Variants in DENND1A observed in about 807,000 individuals in gnomAD.
The protein encoded by DENND1A is DENN domain-containing protein 1A.
DENND1A carries 51 observed loss-of-function variants against 113.7 expected under a neutral mutation model. The observed-to-expected ratio is 0.45, with a 90% confidence interval of 0.36 to 0.57. The LOEUF is 0.57. Among genes scored for constraint, DENND1A ranks in the 20% least tolerant of loss-of-function variants. The pLI, the probability that DENND1A is intolerant of heterozygous loss-of-function variation, is 0.00. For synonymous variants in DENND1A, 565 were observed against 570.8 expected (o/e 0.99, Z 0.14); for missense variants, 1,258 against 1,395.9 (o/e 0.90, Z 1.57).
At chr9:123,789,601 C>T (rs1304190229) in intron 3 of DENND1A, among the ~76,000 whole-genome samples, 3 of 151,958 alleles carry the variant, frequency 2.0e-5, no homozygotes, top group Non-Finnish European at 2.9e-5. Flanking sequence ...GATTATCATC[C>T]CACGCAGACA....
chr9:123,599,944 G>C (rs986589353), intron 11 of DENND1A, among the ~76,000 whole-genome samples: 3 of 152,118 alleles, frequency 2.0e-5, no homozygotes, highest in African/African-American at 7.2e-5. Context: ...AGTCGGCTGA[G>C]CATGGTGTTA....
chr9:123,866,188 C>A (rs533067553), intron 2 of DENND1A, among the ~76,000 whole-genome samples: 59 of 152,298 alleles, frequency 3.9e-4, no homozygotes, highest in Non-Finnish European at 7.9e-4. Context: ...TAAATACACA[C>A]AAACTTTAGA....
intron 9 of DENND1A, among the ~76,000 whole-genome samples, chr9:123,639,998 T>C (rs1332158841): frequency 2.0e-5 from 3 of 152,098 alleles, no homozygotes; most frequent in African/African-American, 4.8e-5. Context: ...GTCACAGCTA[T>C]TGGCAGAACT....
chr9:123,916,759 G>C (rs557576287), intron 1 of DENND1A, among the ~76,000 whole-genome samples: 21 of 152,166 alleles, frequency 1.4e-4, no homozygotes, highest in African/African-American at 5.1e-4. Context: ...TGGTAGGCAG[G>C]GATAGAAGTT....
At chr9:123,667,201 G>C in intron 7 of DENND1A, 122 bp from the exon 8 acceptor site, 1 of 902,064 alleles carries the variant, frequency 1.1e-6, no homozygotes, top group Non-Finnish European at 1.7e-6. Context: ...GTTTCACTCA[G>C]AAGAAACACC....
intron 13 of DENND1A, among the ~76,000 whole-genome samples, chr9:123,513,326 G>C (rs186732172): frequency 3.9e-5 from 6 of 152,248 alleles, no homozygotes; most frequent in African/African-American, 1.4e-4. Flanking sequence ...TGTGATAAAA[G>C]GTCTGTTTCT....
At position 123,381,772 on chromosome 9, in the gene DENND1A, C is replaced by T; in HGVS notation, c.2873G>A (p.Gly958Asp). ...CGTGTGGGTGCCCATGGGCATCTGGCCAAAGAGGTTGGGCATGGAGAGGGC... is the reference window on the plus strand; with the variant it reads ...CGTGTGGGTGCCCATGGGCATCTGGTCAAAGAGGTTGGGCATGGAGAGGGC... ...LSALSMPNLF[G>D]QMPMGTHTSP... is the part of the protein sequence containing the mutation. Residue 958 changes from glycine to aspartate, a missense_variant, in exon 24 of 24, where the codon GGC becomes GAC. Transcript: ENST00000394215. The surrounding 1 kb of genome is among the most constrained non-coding windows in gnomAD (Gnocchi z 4.7). The T allele has an allele frequency of 6.6e-7, 1 of 1,513,302 alleles. No homozygotes were observed. Among genetic ancestry groups the T allele is most frequent in the South Asian group, 1.3e-5 (1 of 77,156 alleles). The allele number at this position is 1,513,302 out of a possible 1,614,324, so 93.7% of individuals were successfully genotyped here. A position where few individuals can be genotyped will look rare whatever the true frequency, so the allele number is the denominator to read the frequency against.
chr9:123,911,590 C>T (rs1365916866), intron 1 of DENND1A, among the ~76,000 whole-genome samples: 1 of 152,118 alleles, frequency 6.6e-6, no homozygotes, highest in Non-Finnish European at 1.5e-5. Context: ...CAATGTAGAG[C>T]AGAAGAAGCC....
At chr9:123,519,429 T>G (rs2054209541) in intron 13 of DENND1A, among the ~76,000 whole-genome samples, 1 of 137,640 alleles carries the variant, frequency 7.3e-6, no homozygotes, top group African/African-American at 2.6e-5. Context: ...GGCTGGGTCC[T>G]CATATCTTTT....
chr9:123,669,152 T>G (rs2063635545), intron 7 of DENND1A, among the ~76,000 whole-genome samples: 1 of 152,180 alleles, frequency 6.6e-6, no homozygotes, highest in African/African-American at 2.4e-5. Context: ...TTACCATCAC[T>G]CATATCAGAC....
intron 12 of DENND1A, among the ~76,000 whole-genome samples, chr9:123,577,558 G>A (rs2058693675): frequency 6.6e-6 from 1 of 152,156 alleles, no homozygotes; most frequent in South Asian, 2.1e-4. Context: ...TACTGTGAAT[G>A]TTATGTTATC....
At chr9:123,403,266 G>T in intron 21 of DENND1A, 136 bp downstream of exon 21, 1 of 791,614 alleles carries the variant, frequency 1.3e-6, no homozygotes, top group South Asian at 1.6e-5. Context: ...TTCCCTGAAT[G>T]ACCCCTTTGT....
rs920041775 is a variant in DENND1A, at chr9:123,521,398, T to C, written c.993+36172A>G. On this transcript the variant is annotated intron_variant, in intron 13 of 23. Transcript: ENST00000394215. Reference sequence around the variant, plus strand: ...TTTTATCTTGGCTCTGCCACCCCTATTGTTACAACTTTGGGCAAGTCACTT... The same window carrying C: ...TTTTATCTTGGCTCTGCCACCCCTACTGTTACAACTTTGGGCAAGTCACTT... 7.9e-5 allele frequency among the ~76,000 whole-genome samples: 12 copies of C among 152,314 alleles called. No homozygotes were observed. The East Asian group carries it at 9.7e-4, about 12-fold the overall frequency.
chr9:123,583,462 G>A lies in DENND1A; in HGVS notation c.766-192C>T, dbSNP rs1396140460. Among the ~76,000 whole-genome samples the A allele has an allele frequency of 2.6e-5, 4 of 152,156 alleles. No individual in the cohort carries two copies. In the East Asian group the frequency reaches 7.7e-4, roughly 29 times the overall value. On this transcript the variant is annotated intron_variant, in intron 11 of 23. Coordinates refer to ENST00000394215, the MANE Select transcript of DENND1A (RefSeq NM_001352964.2). ...ACTCTCATAAAATCTCTGTGAGCTT[G>A]CATGACTATCCCCAAGTCCCAGGAG...
At chr9:123,712,800 T>C (rs972021883) in intron 5 of DENND1A, among the ~76,000 whole-genome samples, 8 of 152,256 alleles carry the variant, frequency 5.3e-5, no homozygotes, top group Admixed American at 4.6e-4. Context: ...AATGTAGAGC[T>C]GGCATTAGAA....
At chr9:123,793,013 T>A (rs75646163) in intron 2 of DENND1A, among the ~76,000 whole-genome samples, 3,358 of 152,270 alleles carry the variant, frequency 0.022, 50 homozygotes, top group Non-Finnish European at 0.033. Context: ...ATAAACCACC[T>A]TAAGCACTGG....
chr9:123,712,598 G>A (rs539599470), intron 5 of DENND1A, among the ~76,000 whole-genome samples: 1 of 152,156 alleles, frequency 6.6e-6, no homozygotes, highest in African/African-American at 2.4e-5. Context: ...CCACCATGAC[G>A]ACAATGACAT....
intron 19 of DENND1A, among the ~76,000 whole-genome samples, chr9:123,423,795 C>T (rs2045503005): frequency 1.3e-5 from 2 of 152,182 alleles, no homozygotes; most frequent in South Asian, 4.1e-4. Context: ...GCATAACAGG[C>T]CTAACAAGAG....
chr9:123,609,307 G>A (rs1225114678), intron 11 of DENND1A, 129 bp downstream of exon 11: 2 of 973,442 alleles, frequency 2.1e-6, no homozygotes, highest in Non-Finnish European at 1.5e-6. Flanking sequence ...AGCTCTGTAC[G>A]CTGGGAGGTG....
Sources: allele counts gnomAD v4.1 joint callset (sites outside exome capture counted in the v4.1 genomes callset), GRCh38; gene constraint gnomAD v4.1.1; non-coding constraint Gnocchi (gnomAD v3.1); transcripts MANE v1.5; gene names NCBI Gene and HGNC (gene_info 2026-07-23, HGNC 2026-07-21).